PAM: variants seen among roughly 807,000 people sequenced by gnomAD.
PAM encodes peptidylglycine alpha-amidating monooxygenase, also known as peptidyl-glycine alpha-amidating monooxygenase.
A neutral mutation model predicts 122.1 loss-of-function variants in PAM; 72 were observed. The observed-to-expected ratio is 0.59, with a 90% CI of 0.49 to 0.72. The LOEUF is 0.72. Among genes scored for constraint, PAM ranks in the 30% least tolerant of loss-of-function variants. The probability of loss-of-function intolerance (pLI) is 0.00; values close to 1 mark genes in which losing one functional copy is unlikely to be tolerated. For synonymous variants in PAM, 389 were observed against 404.4 expected (o/e 0.96, Z 0.46); for missense variants, 1,106 against 1,183.7 (o/e 0.93, Z 0.96).
chr5:102,783,888 A>G (rs73774896), intron 1 of PAM, among the ~76,000 whole-genome samples: 4,605 of 151,820 alleles, frequency 0.03, 131 homozygotes, highest in African/African-American at 0.064. Context: ...AAAATTCTTC[A>G]TGATCTACCC....
intron 3 of PAM, among the ~76,000 whole-genome samples, chr5:102,892,394 T>C (rs1279136099): frequency 1.3e-5 from 2 of 151,882 alleles, no homozygotes. Context: ...TGTGAGAGAC[T>C]ACATCTCTGT....
chr5:102,976,919 TAAGATA>T (rs1767862093), intron 15 of PAM, among the ~76,000 whole-genome samples: 1 of 152,172 alleles, frequency 6.6e-6, no homozygotes, highest in Admixed American at 6.6e-5. Flanking sequence ...CTTGCCCAAT[TAAGATA>T]AACTTCCCAA....
chr5:102,879,024 G>A (rs1018010569), intron 3 of PAM, among the ~76,000 whole-genome samples: 3 of 152,028 alleles, frequency 2.0e-5, no homozygotes, highest in Non-Finnish European at 4.4e-5. Flanking sequence ...CTCCTCCCAG[G>A]TTCACGCCAT....
chr5:102,913,790 T>C (rs1802251599), intron 4 of PAM, 144 bp from the exon 5 acceptor site: 3 of 588,634 alleles, frequency 5.1e-6, no homozygotes, highest in Non-Finnish European at 9.2e-6. Context: ...ACAAGATAAT[T>C]TATACAGACA....
intron 1 of PAM, among the ~76,000 whole-genome samples, chr5:102,806,726 C>G (rs1025500831): frequency 3.3e-5 from 5 of 152,050 alleles, no homozygotes; most frequent in Non-Finnish European, 7.4e-5. Flanking sequence ...TTGTACTTTA[C>G]CTGAATCTAG....
At chr5:102,997,827 G>A (rs1429742290) in intron 16 of PAM, among the ~76,000 whole-genome samples, 2 of 152,180 alleles carry the variant, frequency 1.3e-5, no homozygotes, top group South Asian at 2.1e-4. Context: ...TGTGTGCAGT[G>A]CAGAACAATG....
At chr5:102,993,574 T>A (rs900565610) in intron 16 of PAM, among the ~76,000 whole-genome samples, 13 of 152,170 alleles carry the variant, frequency 8.5e-5, no homozygotes, top group African/African-American at 2.9e-4. Context: ...TAACTTCAGA[T>A]TCTTTCTGTT....
At chr5:102,915,392 T>A (rs1282300414) in intron 5 of PAM, among the ~76,000 whole-genome samples, 1 of 152,140 alleles carries the variant, frequency 6.6e-6, no homozygotes. Flanking sequence ...AAAGCATTTG[T>A]TAATAGGCTT....
intron 1 of PAM, among the ~76,000 whole-genome samples, chr5:102,861,946 G>T (rs1177589823): frequency 6.6e-6 from 1 of 152,150 alleles, no homozygotes; most frequent in Non-Finnish European, 1.5e-5. Flanking sequence ...GAGACAGGCA[G>T]ATCACTTGAG....
At chr5:103,011,374 A>T (rs371729863) in intron 21 of PAM, among the ~76,000 whole-genome samples, 15 of 135,288 alleles carry the variant, frequency 1.1e-4, no homozygotes, top group Admixed American at 8.7e-4. Flanking sequence ...ACACAAACAC[A>T]CACTCACACA....
intron 3 of PAM, chr5:102,896,110 A>T (rs1796143294): frequency 6.6e-6 from 1 of 151,724 alleles, no homozygotes; most frequent in African/African-American, 2.4e-5. Context: ...ATAGTAGATT[A>T]TTAGTATGTT....
chr5:102,979,653 C>T (rs1031276138), intron 15 of PAM, among the ~76,000 whole-genome samples: 2 of 151,986 alleles, frequency 1.3e-5, no homozygotes, highest in Non-Finnish European at 2.9e-5. Context: ...TTAGGTAACA[C>T]AGATAAATGA....
Position 102,946,850 on chromosome 5 carries a change from C to T in PAM, c.540C>T (p.Asp180=). ...GTGTGTTTTCAGATAATAACAAGGACTGTTCTGGTGTGTCCTTACACCTCA... is the reference window on the plus strand; with the variant it reads ...GTGTGTTTTCAGATAATAACAAGGATTGTTCTGGTGTGTCCTTACACCTCA... ...DISAFRDNNK[D]CSGVSLHLTR... is the part of the protein sequence containing the mutation. Residue 180 remains aspartate (D), a synonymous_variant, in exon 8 of 26, where the codon GAC becomes GAT. Coordinates refer to ENST00000438793, the MANE Select transcript of PAM (RefSeq NM_001177306.2). 6.3e-7 allele frequency: 1 copy of T among 1,596,960 alleles called. No individual in the cohort carries two copies. Among genetic ancestry groups the T allele is most frequent in the South Asian group, 1.1e-5 (1 of 90,318 alleles).
intron 1 of PAM, among the ~76,000 whole-genome samples, chr5:102,804,589 A>T (rs918888931): frequency 1.3e-5 from 2 of 152,222 alleles, no homozygotes; most frequent in Admixed American, 1.3e-4. Context: ...AAAGTCCCAC[A>T]TCCCACTGTC....
chr5:102,846,654 T>A (rs561324903), intron 1 of PAM, among the ~76,000 whole-genome samples: 9 of 152,164 alleles, frequency 5.9e-5, no homozygotes, highest in Non-Finnish European at 1.3e-4. Context: ...TAAGGCAGGT[T>A]ATATAGCAAG....
chr5:102,979,270 A>G (rs1041676479), intron 15 of PAM, among the ~76,000 whole-genome samples: 2 of 152,156 alleles, frequency 1.3e-5, no homozygotes, highest in African/African-American at 4.8e-5. Flanking sequence ...GAATACTGCT[A>G]ATGCTTTTGA....
At chr5:102,929,603 G>T (rs996420703) in intron 7 of PAM, among the ~76,000 whole-genome samples, 1 of 152,130 alleles carries the variant, frequency 6.6e-6, no homozygotes, top group Non-Finnish European at 1.5e-5. Flanking sequence ...TGGCTTAAGG[G>T]TATGAGCATT....
Position 102,778,696 on chromosome 5 carries a change from T to A in PAM, c.-374+23348T>A, listed in dbSNP as rs189458929. 8.5e-5 allele frequency among the ~76,000 whole-genome samples: 13 copies of A among 152,290 alleles called. No individual in the cohort carries two copies. The East Asian group carries it at 2.5e-3, about 29-fold the overall frequency. On this transcript the variant is annotated intron_variant, in intron 1 of 25. Coordinates refer to ENST00000438793, the MANE Select transcript of PAM (RefSeq NM_001177306.2). ...AAACCTCTGAAATGAGTCATTTTTA[T>A]TTTCATTCACTTCATTTTTACATGG...
At chr5:102,851,661 A>G (rs1201371227) in intron 1 of PAM, among the ~76,000 whole-genome samples, 6 of 152,222 alleles carry the variant, frequency 3.9e-5, no homozygotes, top group African/African-American at 9.6e-5. Context: ...AACAAGGAAA[A>G]TAGGCCATTT....
Sources: allele counts gnomAD v4.1 joint callset (sites outside exome capture counted in the v4.1 genomes callset), GRCh38; gene constraint gnomAD v4.1.1; transcripts MANE v1.5; gene names NCBI Gene and HGNC (gene_info 2026-07-23, HGNC 2026-07-21).